The following DLGAP2 variants were observed in gnomAD, a reference collection of about 807,000 sequenced individuals.
DLGAP2 encodes the protein disks large-associated protein 2.
DLGAP2 carries 26 observed loss-of-function variants against 100.3 expected under a neutral mutation model. The ratio of observed to expected loss-of-function variants is 0.26; its 90% confidence interval spans 0.19 to 0.36. DLGAP2 has a LOEUF of 0.36. DLGAP2 is among the 10% of genes least tolerant of loss of function. DLGAP2 has a pLI of 1.00. For synonymous variants in DLGAP2, 886 were observed against 630.1 expected, an observed-to-expected ratio of 1.41 and a Z score of -6.08; for missense variants, 1,858 against 1,453.2, an observed-to-expected ratio of 1.28 and a Z score of -4.53.
chr8:1,525,020 C>A (rs988493895), intron 4 of DLGAP2, among the ~76,000 whole-genome samples: 1 of 152,100 alleles, frequency 6.6e-6, no homozygotes, highest in Non-Finnish European at 1.5e-5. Flanking sequence ...CTTTCCCTGG[C>A]TTTCATTTGC....
chr8:1,256,482 CTG>C (rs769885333), intron 2 of DLGAP2, among the ~76,000 whole-genome samples: 2,641 of 126,152 alleles, frequency 0.021, 268 homozygotes, highest in African/African-American at 0.088. Context: ...TGCCTGGGTG[CTG>C]TGTGTGTGTC....
intron 3 of DLGAP2, among the ~76,000 whole-genome samples, chr8:1,463,281 C>T (rs530292778): frequency 2.6e-5 from 4 of 152,188 alleles, no homozygotes; most frequent in Non-Finnish European, 4.4e-5. Flanking sequence ...AGGGAAGGTG[C>T]TGATGAGACA....
intron 2 of DLGAP2, among the ~76,000 whole-genome samples, chr8:1,237,225 A>G (rs1380442956): frequency 1.6e-5 from 2 of 127,648 alleles, no homozygotes; most frequent in African/African-American, 6.7e-5. Flanking sequence ...TAGTTCTCTC[A>G]CATGGCGCCG....
intron 1 of DLGAP2, among the ~76,000 whole-genome samples, chr8:778,813 C>G (rs1024873225): frequency 1.1e-4 from 17 of 152,238 alleles, no homozygotes; most frequent in Admixed American, 6.5e-4. Flanking sequence ...TGCCCTGCCC[C>G]CAGAAGTGGA....
intron 12 of DLGAP2, among the ~76,000 whole-genome samples, chr8:1,686,844 T>C (rs539566501): frequency 6.6e-6 from 1 of 152,282 alleles, no homozygotes; most frequent in Non-Finnish European, 1.5e-5. Flanking sequence ...TAATAATGTA[T>C]CATGTATTTC....
intron 1 of DLGAP2, among the ~76,000 whole-genome samples, chr8:783,605 A>T (rs1821760001): frequency 6.6e-6 from 1 of 152,030 alleles, no homozygotes; most frequent in African/African-American, 2.4e-5. Context: ...AAGGAAGTTG[A>T]TTTCTTATCT....
intron 1 of DLGAP2, among the ~76,000 whole-genome samples, chr8:769,321 A>G (rs957672718): frequency 2.0e-5 from 3 of 152,040 alleles, no homozygotes; most frequent in African/African-American, 7.2e-5. Context: ...TATCCAGCAG[A>G]AAAACGCTAA....
intron 1 of DLGAP2, among the ~76,000 whole-genome samples, chr8:766,217 G>T (rs1260850842): frequency 1.3e-5 from 2 of 152,168 alleles, no homozygotes; most frequent in Non-Finnish European, 2.9e-5. Context: ...TCACATACAT[G>T]CAATCACACA....
intron 12 of DLGAP2, among the ~76,000 whole-genome samples, chr8:1,690,069 G>A (rs1030576690): frequency 2.0e-5 from 3 of 152,158 alleles, no homozygotes; most frequent in African/African-American, 7.2e-5. Context: ...TCAAGAGAGG[G>A]TGTGGGGCCG....
chr8:1,172,172 G>C (rs963651252), intron 2 of DLGAP2, among the ~76,000 whole-genome samples: 1 of 151,806 alleles, frequency 6.6e-6, no homozygotes, highest in African/African-American at 2.4e-5. Flanking sequence ...TGAAATTCTG[G>C]GTTGAAAATT....
intron 1 of DLGAP2, among the ~76,000 whole-genome samples, chr8:746,365 G>A (rs1440570114): frequency 1.3e-5 from 2 of 152,234 alleles, no homozygotes; most frequent in African/African-American, 2.4e-5. Flanking sequence ...TGCTGGCATT[G>A]TCTGCAGGCT....
At chr8:1,472,917 T>C (rs554857501) in intron 3 of DLGAP2, among the ~76,000 whole-genome samples, 6 of 152,316 alleles carry the variant, frequency 3.9e-5, no homozygotes, top group Admixed American at 2.0e-4. Context: ...GGAAAACTTA[T>C]GTCCTCACAA....
At chr8:1,617,979 A>G (rs1392578980) in intron 6 of DLGAP2, among the ~76,000 whole-genome samples, 1 of 152,240 alleles carries the variant, frequency 6.6e-6, no homozygotes, top group Non-Finnish European at 1.5e-5. Context: ...CTACAGTTCT[A>G]ACCCTGGGGA....
chr8:1,171,206 T>C (rs993928764), intron 2 of DLGAP2, among the ~76,000 whole-genome samples: 9 of 152,236 alleles, frequency 5.9e-5, no homozygotes, highest in African/African-American at 2.2e-4. Flanking sequence ...GTGAGTTTCT[T>C]AATCCTGAGT....
Position 1,376,101 on chromosome 8 carries a change from A to C in DLGAP2, c.106+117218A>C, listed in dbSNP as rs201958866. Among the ~76,000 whole-genome samples, 352 of 132,970 alleles carry C rather than the reference A, an allele frequency of 2.6e-3. 1 individual carries two copies. The highest frequency in any genetic ancestry group is 0.018 in the East Asian group (74 of 4,174). 87.2% of individuals were successfully genotyped at this position (132,970 alleles called of 152,430 possible). On this transcript the variant is annotated intron_variant, in intron 3 of 14. Transcript: ENST00000637795. ...CACCTCCTACATTTGGGTTAACGAC[A>C]CCTCTCCACGACCTCAGAACTGAGC...
At chr8:1,442,556 C>T (rs7004157) in intron 3 of DLGAP2, among the ~76,000 whole-genome samples, 4 of 134,332 alleles carry the variant, frequency 3.0e-5, no homozygotes, top group East Asian at 2.3e-4. Flanking sequence ...GAGACGGATC[C>T]GGGCGTAGAC....
intron 1 of DLGAP2, among the ~76,000 whole-genome samples, chr8:907,539 C>T (rs536820667): frequency 1.3e-5 from 2 of 152,316 alleles, no homozygotes; most frequent in African/African-American, 4.8e-5. Context: ...CCTCCATTTC[C>T]AGGCTCTAAT....
At chr8:1,043,467 A>G (rs1382171626) in intron 2 of DLGAP2, among the ~76,000 whole-genome samples, 1 of 149,960 alleles carries the variant, frequency 6.7e-6, no homozygotes, top group Non-Finnish European at 1.5e-5. Flanking sequence ...GGTGGCTGGT[A>G]GGTGGTGGAT....
chr8:818,744 A>C (rs1796532090), intron 1 of DLGAP2, among the ~76,000 whole-genome samples: 1 of 152,234 alleles, frequency 6.6e-6, no homozygotes, highest in African/African-American at 2.4e-5. Context: ...AATAAAGAGA[A>C]AATTCAAGAG....
Sources: allele counts gnomAD v4.1 joint callset (sites outside exome capture counted in the v4.1 genomes callset), GRCh38; gene constraint gnomAD v4.1.1; transcripts MANE v1.5; gene names NCBI Gene and HGNC (gene_info 2026-07-23, HGNC 2026-07-21).